CCDC175: variants seen among roughly 807,000 people sequenced by gnomAD.
The protein encoded by CCDC175 is coiled-coil domain containing 175.
A neutral mutation model predicts 114.6 loss-of-function variants in CCDC175; 100 were observed. The ratio of observed to expected loss-of-function variants is 0.87; its 90% CI spans 0.74 to 1.03. The LOEUF is 1.03. Among genes scored for constraint, CCDC175 ranks in the 50% least tolerant of loss-of-function variants. The probability of loss-of-function intolerance (pLI) is 0.00; values close to 1 mark genes in which losing one functional copy is unlikely to be tolerated. For missense variants in CCDC175, 880 were observed against 917.8 expected (o/e 0.96, Z 0.53); for synonymous variants, 306 against 308.7 (o/e 0.99, Z 0.09).
At chr14:59,534,985 A>C (rs1202542484) in intron 13 of CCDC175, among the ~76,000 whole-genome samples, 1 of 152,148 alleles carries the variant, frequency 6.6e-6, no homozygotes, top group Non-Finnish European at 1.5e-5. Flanking sequence ...GTTGATTTAG[A>C]GATACTAGTG....
Position 59,574,945 on chromosome 14 carries a change from A to G in CCDC175, c.241T>C (p.Leu81=), listed in dbSNP as rs746400755. 2.1e-6 allele frequency: 3 copies of G among 1,455,944 alleles called. No homozygotes were observed. The highest frequency in any genetic ancestry group is 2.5e-5 in the South Asian group (2 of 79,810). The allele number at this position is 1,455,944 out of a possible 1,614,324, so 90.2% of individuals were successfully genotyped here. Residue 81 remains leucine (L), a splice_region_variant and synonymous_variant, in exon 2 of 20, where the codon TTG becomes CTG. Coordinates refer to ENST00000537690, the MANE Select transcript of CCDC175 (RefSeq NM_001164399.2). ...LKDIAVAVKK[L]EEMRKATIDL... is the part of the protein sequence containing the mutation. ...GGTTCTTATAGATAATACAATACCA[A>G]TTTCTTAACAGCTACAGCAATGTCC...
chr14:59,575,755 C>A (rs55835100), intron 1 of CCDC175, among the ~76,000 whole-genome samples: 19 of 152,232 alleles, frequency 1.2e-4, no homozygotes, highest in African/African-American at 4.6e-4. Context: ...GGTATCCACC[C>A]GCCTCGGCCT....
intron 10 of CCDC175, 134 bp from the exon 11 acceptor site, chr14:59,540,880 T>A: frequency 1.3e-6 from 1 of 753,458 alleles, no homozygotes; most frequent in Non-Finnish European, 2.1e-6. Context: ...GTGAAACAAC[T>A]AAACATTTCA....
intron 8 of CCDC175, 129 bp downstream of exon 8, chr14:59,551,226 A>G (rs147522190): frequency 1.3e-4 from 69 of 518,708 alleles, no homozygotes; most frequent in African/African-American, 1.2e-3. Context: ...TTAAATTACT[A>G]CAAACAACCA....
intron 19 of CCDC175, among the ~76,000 whole-genome samples, chr14:59,506,821 TGACA>T (rs1300286981): frequency 6.6e-6 from 1 of 152,220 alleles, no homozygotes; most frequent in African/African-American, 2.4e-5. Flanking sequence ...GAGATAACTT[TGACA>T]GTTATATACA....
intron 3 of CCDC175, among the ~76,000 whole-genome samples, chr14:59,568,947 C>T (rs1896706242): frequency 1.3e-5 from 2 of 152,224 alleles, no homozygotes; most frequent in Admixed American, 1.3e-4. Flanking sequence ...CTTATCCCAT[C>T]CTCCTCTTTG....
At chr14:59,512,132 G>A (rs1210917389) in intron 17 of CCDC175, among the ~76,000 whole-genome samples, 1 of 152,162 alleles carries the variant, frequency 6.6e-6, no homozygotes, top group Non-Finnish European at 1.5e-5. Flanking sequence ...GGCACAGCAG[G>A]GTGGTCTTAA....
At chr14:59,572,870 T>TAGGAAATCAA in intron 2 of CCDC175, 57 bp from the exon 3 acceptor site, 3 of 1,031,286 alleles carry the variant, frequency 2.9e-6, no homozygotes, top group Non-Finnish European at 4.1e-6. Flanking sequence ...TAAGATTGAT[T>TAGGAAATCAA]TCCTAAACAA....
At chr14:59,551,274 C>A in intron 8 of CCDC175, 81 bp downstream of exon 8, 4 of 681,726 alleles carry the variant, frequency 5.9e-6, no homozygotes, top group Non-Finnish European at 6.6e-6. Context: ...TTGAAAAATT[C>A]TATATTTCTC....
At chr14:59,563,264 G>A (rs1462609965) in intron 6 of CCDC175, among the ~76,000 whole-genome samples, 4 of 152,044 alleles carry the variant, frequency 2.6e-5, no homozygotes, top group Admixed American at 1.3e-4. Context: ...TTTGACAGAA[G>A]TACAGAGCTC....
At chr14:59,552,357 G>A (rs571810905) in intron 7 of CCDC175, among the ~76,000 whole-genome samples, 31 of 152,334 alleles carry the variant, frequency 2.0e-4, no homozygotes, top group African/African-American at 7.5e-4. Context: ...CAGGCAAACA[G>A]GGTCTGGAGT....
intron 6 of CCDC175, among the ~76,000 whole-genome samples, chr14:59,562,450 G>A (rs539341680): frequency 6.6e-6 from 1 of 152,298 alleles, no homozygotes; most frequent in East Asian, 1.9e-4. Context: ...TTACAAAAAT[G>A]CTCTGCAGTA....
chr14:59,568,259 A>G lies in CCDC175; in HGVS notation c.477T>C (p.Tyr159=), dbSNP rs1896666137. ...AGAATACCTACCCCAGAGCTTCATT[A>G]TATTTTGTCAGGTCAGTTATTTTCT... ...LKKKITDLTK[Y]NEALGEKQEE... is the part of the protein sequence containing the mutation. Residue 159 remains tyrosine (Y), a synonymous_variant, in exon 4 of 20, where the codon TAT becomes TAC. Coordinates refer to ENST00000537690, the MANE Select transcript of CCDC175 (RefSeq NM_001164399.2). 9 of 1,529,776 alleles carry G rather than the reference A, an allele frequency of 5.9e-6. No individual in the cohort carries two copies. Among genetic ancestry groups the G allele is most frequent in the Non-Finnish European group, 7.9e-6 (9 of 1,145,242 alleles). The allele number at this position is 1,529,776 out of a possible 1,614,324, so 94.8% of individuals were successfully genotyped here.
At chr14:59,513,580 G>A (rs537791028) in intron 17 of CCDC175, among the ~76,000 whole-genome samples, 2 of 152,326 alleles carry the variant, frequency 1.3e-5, no homozygotes, top group South Asian at 4.1e-4. Context: ...TAGCACAGCA[G>A]TCTGAGATCA....
At chr14:59,573,616 TTG>T (rs201109768) in intron 2 of CCDC175, among the ~76,000 whole-genome samples, 11 of 67,486 alleles carry the variant, frequency 1.6e-4, no homozygotes, top group South Asian at 2.1e-3. Flanking sequence ...TTTTGTTTTT[TTG>T]TTTTTTTTTT....
intron 7 of CCDC175, among the ~76,000 whole-genome samples, chr14:59,556,931 A>G (rs1439573968): frequency 6.6e-6 from 1 of 152,162 alleles, no homozygotes; most frequent in Non-Finnish European, 1.5e-5. Context: ...ATCTCACACC[A>G]GTTAGAATGG....
At chr14:59,569,823 T>C (rs762669650) in intron 3 of CCDC175, among the ~76,000 whole-genome samples, 2 of 152,066 alleles carry the variant, frequency 1.3e-5, no homozygotes, top group African/African-American at 4.8e-5. Flanking sequence ...ATTAGAGTAA[T>C]TAGAGTATTA....
At chr14:59,525,935 C>A (rs1287840377) in intron 15 of CCDC175, among the ~76,000 whole-genome samples, 1 of 152,064 alleles carries the variant, frequency 6.6e-6, no homozygotes, top group East Asian at 1.9e-4. Context: ...TTTGAGCATC[C>A]GTGGATTTTG....
At position 59,551,421 on chromosome 14, in the gene CCDC175, A is replaced by G. The variant is rs1303881021; in HGVS notation, c.969T>C (p.Asp323=). 3.5e-6 allele frequency: 5 copies of G among 1,445,902 alleles called. No homozygotes were observed. Among genetic ancestry groups the G allele is most frequent in the Non-Finnish European group, 4.6e-6 (5 of 1,083,626 alleles). 89.6% of individuals were successfully genotyped at this position (1,445,902 alleles called of 1,614,324 possible). Residue 323 remains aspartate (D), a synonymous_variant, in exon 8 of 20, where the codon GAT becomes GAC. Coordinates refer to ENST00000537690, the MANE Select transcript of CCDC175 (RefSeq NM_001164399.2). ...ATATATCATCTAGTTTTTCTTTGTT[A>G]TCTGTGAAAAAACACCTATGAACAA... ...ILEAKLCFFT[D]NKEKLDDISN...
Sources: gnomAD v4.1 joint callset for allele counts (sites outside exome capture counted in the v4.1 genomes callset) on GRCh38, gnomAD v4.1.1 for gene constraint, MANE v1.5 for transcripts, NCBI Gene and HGNC (gene_info 2026-07-23, HGNC 2026-07-21) for gene names.